The following FGF14 variants were observed in gnomAD, a reference collection of about 807,000 sequenced individuals.
FGF14 encodes fibroblast growth factor homologous factor 4.
In FGF14, 5 loss-of-function variants were observed where a neutral mutation model predicts 25.5. The observed-to-expected ratio is 0.20, with a 90% CI of 0.10 to 0.41. FGF14 has a LOEUF of 0.41. Among genes scored for constraint, FGF14 ranks in the 10% least tolerant of loss-of-function variants. The probability of loss-of-function intolerance (pLI) is 1.00; values close to 1 mark genes in which losing one functional copy is unlikely to be tolerated. For missense variants in FGF14, 222 were observed against 320.1 expected, an observed-to-expected ratio of 0.69 and a Z score of 2.34; for synonymous variants, 138 against 118.3, an observed-to-expected ratio of 1.17 and a Z score of -1.08.
At chr13:102,011,596 T>A (rs994301812) in intron 1 of FGF14, among the ~76,000 whole-genome samples, 7 of 152,146 alleles carry the variant, frequency 4.6e-5, no homozygotes, top group African/African-American at 1.7e-4. Context: ...GTATGAAGCT[T>A]ATCCATAGCT....
chr13:101,794,885 G>A (rs2040432498), intron 3 of FGF14, among the ~76,000 whole-genome samples: 1 of 152,048 alleles, frequency 6.6e-6, no homozygotes, highest in Non-Finnish European at 1.5e-5. Flanking sequence ...AAGATGTATT[G>A]ACTTTATATG....
intron 1 of FGF14, among the ~76,000 whole-genome samples, chr13:101,884,745 A>T (rs765406952): frequency 6.6e-6 from 1 of 152,114 alleles, no homozygotes; most frequent in Non-Finnish European, 1.5e-5. Context: ...CTTTGAAAAA[A>T]ATCTTGAGAA....
chr13:102,111,724 A>G (rs1031099105), intron 1 of FGF14, among the ~76,000 whole-genome samples: 3 of 151,384 alleles, frequency 2.0e-5, no homozygotes, highest in African/African-American at 7.3e-5. Context: ...TAAAAAAGAA[A>G]AAAAAAAAAA....
At chr13:102,068,777 C>A (rs537708465) in intron 1 of FGF14, among the ~76,000 whole-genome samples, 2 of 152,200 alleles carry the variant, frequency 1.3e-5, no homozygotes, top group Non-Finnish European at 2.9e-5. Context: ...GGCTCCTGTG[C>A]GGCCCGAGCC....
At chr13:101,968,517 CA>C (rs1212040629) in intron 1 of FGF14, among the ~76,000 whole-genome samples, 10 of 151,760 alleles carry the variant, frequency 6.6e-5, no homozygotes, top group African/African-American at 2.2e-4. Flanking sequence ...ACTAAAAATA[CA>C]AAAAATTAGC....
At chr13:102,055,563 A>T (rs1478246405) in intron 1 of FGF14, among the ~76,000 whole-genome samples, 1 of 152,186 alleles carries the variant, frequency 6.6e-6, no homozygotes, top group Non-Finnish European at 1.5e-5. Flanking sequence ...CATCCCTTAG[A>T]ACTGGGCAGT....
At chr13:101,949,128 G>A (rs1467956980) in intron 1 of FGF14, among the ~76,000 whole-genome samples, 1 of 152,224 alleles carries the variant, frequency 6.6e-6, no homozygotes, top group East Asian at 1.9e-4. Context: ...TCCATTTTAC[G>A]TTTAGGTTAA....
chr13:101,972,081 A>G (rs1182689846), intron 1 of FGF14, among the ~76,000 whole-genome samples: 1 of 152,198 alleles, frequency 6.6e-6, no homozygotes, highest in Non-Finnish European at 1.5e-5. Flanking sequence ...CCCTCTACCA[A>G]TGTGATTTTA....
intron 1 of FGF14, among the ~76,000 whole-genome samples, chr13:101,879,745 T>A (rs534116746): frequency 8.5e-6 from 1 of 117,576 alleles, no homozygotes; most frequent in Admixed American, 7.7e-5. Context: ...TTCTCTTCTA[T>A]TAGCTATGGA....
intron 3 of FGF14, among the ~76,000 whole-genome samples, chr13:101,776,866 GT>G (rs1290613330): frequency 1.3e-5 from 2 of 152,188 alleles, no homozygotes; most frequent in African/African-American, 4.8e-5. Context: ...GGCAAATTCA[GT>G]TTTTGGTGAG....
chr13:101,765,006 T>C (rs1331046905), intron 3 of FGF14, among the ~76,000 whole-genome samples: 1 of 152,178 alleles, frequency 6.6e-6, no homozygotes, highest in Non-Finnish European at 1.5e-5. Flanking sequence ...AAAGTCATGC[T>C]TTATGCACAC....
In FGF14 at chr13:102,282,063, C is replaced by CTT. The variant is rs745981500; in HGVS notation, c.208+119406_208+119407dup. On this transcript the variant is annotated intron_variant, in intron 1 of 4. Transcript: ENST00000376131. ...CTTGCCGCTTCTCCTAACCCTGCTT[C>CTT]TTTTTTTTTTTTCTTCCTTTGAGAT... 6.9e-3 allele frequency among the ~76,000 whole-genome samples: 618 copies of CTT among 89,832 alleles called. 4 individuals carry two copies. The highest frequency in any genetic ancestry group is 0.027 in the African/African-American group (539 of 20,304). 58.9% of individuals were successfully genotyped at this position (89,832 alleles called of 152,430 possible).
intron 1 of FGF14, among the ~76,000 whole-genome samples, chr13:102,215,752 AG>A (rs1475643846): frequency 1.3e-5 from 2 of 152,210 alleles, no homozygotes; most frequent in Admixed American, 6.5e-5. Flanking sequence ...GCTTTTCAAA[AG>A]TAGACTGTGA....
At chr13:101,995,075 T>A (rs975069551) in intron 1 of FGF14, among the ~76,000 whole-genome samples, 1 of 152,178 alleles carries the variant, frequency 6.6e-6, no homozygotes, top group Non-Finnish European at 1.5e-5. Flanking sequence ...AAAATAATTA[T>A]AGCAATTTGA....
Position 101,951,927 on chromosome 13 carries a change from T to C in FGF14, c.209-76631A>G, listed in dbSNP as rs181011247. On this transcript the variant is annotated intron_variant, in intron 1 of 4. Transcript: ENST00000376131. The stretch of plus-strand genomic sequence containing the variant: ...TTCTTGGAATCACCTATCAAATATT[T>C]GAGTATGGCCAATATATCAACTCTA... Among the ~76,000 whole-genome samples, 709 of 152,292 alleles carry C rather than the reference T, an allele frequency of 4.7e-3. 2 individuals are homozygous for C. Among genetic ancestry groups the C allele is most frequent in the African/African-American group, 0.016 (645 of 41,568 alleles).
intron 1 of FGF14, among the ~76,000 whole-genome samples, chr13:102,279,924 T>G (rs2141207580): frequency 6.6e-6 from 1 of 152,304 alleles, no homozygotes; most frequent in Non-Finnish European, 1.5e-5. Context: ...TTATACAGAT[T>G]CTTTCCTGCA....
chr13:101,918,750 G>T (rs571863925), upstream of FGF14, among the ~76,000 whole-genome samples: 1 of 152,184 alleles, frequency 6.6e-6, no homozygotes, highest in Non-Finnish European at 1.5e-5. Context: ...CTTTTGGGAA[G>T]GAAATGCAAC....
intron 1 of FGF14, among the ~76,000 whole-genome samples, chr13:102,362,417 A>C (rs887827146): frequency 1.3e-5 from 2 of 152,218 alleles, no homozygotes; most frequent in African/African-American, 4.8e-5. Flanking sequence ...GAATTCAGTA[A>C]ATGTTTAATG....
At chr13:101,723,573 A>ACAAT (rs2035148366) in intron 4 of FGF14, among the ~76,000 whole-genome samples, 1 of 152,102 alleles carries the variant, frequency 6.6e-6, no homozygotes, top group African/African-American at 2.4e-5. Flanking sequence ...TTCATTTCCT[A>ACAAT]CAATCATGGA....
Sources: allele counts gnomAD v4.1 joint callset (sites outside exome capture counted in the v4.1 genomes callset), GRCh38; gene constraint gnomAD v4.1.1; transcripts MANE v1.5; gene names NCBI Gene and HGNC (gene_info 2026-07-23, HGNC 2026-07-21).